The following TCF3 variants were observed in gnomAD, a reference collection of about 807,000 sequenced individuals.
TCF3 encodes transcription factor E2-alpha.
In TCF3, 54 loss-of-function variants were observed where a neutral mutation model predicts 72.3. That is an observed-to-expected ratio of 0.75 (90% CI 0.60 to 0.94). TCF3 has a LOEUF of 0.94. Ranked by LOEUF, TCF3 falls within the 40% of genes least tolerant of loss-of-function variation. TCF3 has a pLI of 0.00. For synonymous variants in TCF3, 525 were observed against 412.6 expected, an observed-to-expected ratio of 1.27 and a Z score of -3.30; for missense variants, 1,078 against 934.4, an observed-to-expected ratio of 1.15 and a Z score of -2.00.
At chr19:1,633,813 C>A (rs1203602814) in intron 3 of TCF3, among the ~76,000 whole-genome samples, 1 of 152,188 alleles carries the variant, frequency 6.6e-6, no homozygotes, top group Non-Finnish European at 1.5e-5. Flanking sequence ...GCACGTGGGC[C>A]CTGGTGAACA....
chr19:1,639,201 G>A (rs1205660545), intron 3 of TCF3, among the ~76,000 whole-genome samples: 1 of 152,166 alleles, frequency 6.6e-6, no homozygotes, highest in Non-Finnish European at 1.5e-5. Flanking sequence ...CTGCTACCAT[G>A]CCTGGCTAAT....
chr19:1,632,692 C>T (rs1042265435), intron 3 of TCF3, among the ~76,000 whole-genome samples: 11 of 152,308 alleles, frequency 7.2e-5, no homozygotes, highest in Non-Finnish European at 1.5e-4. Flanking sequence ...TTCATACCCT[C>T]CTTGGGCAAA....
intron 18 of TCF3, 47 bp from the exon 19 acceptor site, chr19:1,611,896 G>C: frequency 7.8e-7 from 1 of 1,280,306 alleles, no homozygotes; most frequent in South Asian, 1.4e-5. Context: ...CCAGGGAGGA[G>C]AAAGATGTGA....
At chr19:1,644,372 G>A (rs953758949) in intron 3 of TCF3, among the ~76,000 whole-genome samples, 7 of 151,016 alleles carry the variant, frequency 4.6e-5, no homozygotes, top group African/African-American at 1.2e-4. Context: ...TCAGGCGGGC[G>A]TTAACTGCAT....
At chr19:1,628,866 G>A (rs1388927626) in intron 5 of TCF3, among the ~76,000 whole-genome samples, 3 of 2,262 alleles carry the variant, frequency 1.3e-3, no homozygotes, top group Non-Finnish European at 1.5e-3. Context: ...GGACAGCAGA[G>A]CTCACGGGGT....
At chr19:1,636,729 C>G (rs2064462112) in intron 3 of TCF3, among the ~76,000 whole-genome samples, 2 of 152,162 alleles carry the variant, frequency 1.3e-5, no homozygotes, top group South Asian at 4.1e-4. Context: ...GTAGCACATG[C>G]TCCCAGCTTC....
At position 1,615,760 on chromosome 19, in the gene TCF3, G is replaced by A. The variant is rs535090518; in HGVS notation, c.1512C>T (p.Asp504=). 2.1e-4 allele frequency: 330 copies of A among 1,605,424 alleles called. 1 individual carries two copies. In the South Asian group the frequency reaches 2.5e-3, roughly 12 times the overall value. Residue 504 remains aspartate (D), a synonymous_variant, in exon 17 of 19, where the codon GAC becomes GAT. Coordinates refer to ENST00000262965, the MANE Select transcript of TCF3 (RefSeq NM_003200.5). The surrounding 1 kb of genome is among the most constrained non-coding windows in gnomAD (Gnocchi z 7.3). The part of the protein sequence containing the change: ...ASEIKREEKE[D]EENTSAADHS... Reference sequence around the variant, plus strand: ...GGTCAGCCGCTGACGTGTTCTCCTCGTCCTCCTTCTCCTCCCGCTTGATCT... The same window carrying A: ...GGTCAGCCGCTGACGTGTTCTCCTCATCCTCCTTCTCCTCCCGCTTGATCT...
rs1390626231 is a variant in TCF3 at position 1,614,042 on chromosome 19, G to A, written c.1822+1243C>T. Among the ~76,000 whole-genome samples the A allele has an allele frequency of 3.3e-5, 5 of 152,258 alleles. No individual in the cohort carries two copies. The highest frequency in any genetic ancestry group is 7.3e-5 in the Non-Finnish European group (5 of 68,044). On this transcript the variant is annotated intron_variant, in intron 18 of 18. Transcript: ENST00000262965. This position sits in a 1 kb window ranked among gnomAD's most constrained non-coding sequence, Gnocchi z 5.6. Reference sequence around the variant, plus strand: ...TGCATGGCCCTGCATGGGTGACCTCGCTCTGTTCCCTGGCTTCCTACTTGG... The same window carrying A: ...TGCATGGCCCTGCATGGGTGACCTCACTCTGTTCCCTGGCTTCCTACTTGG...
chr19:1,615,674 G>A lies in TCF3; in HGVS notation c.1586+12C>T, dbSNP rs370396673. The A allele has an allele frequency of 3.1e-6, 5 of 1,613,056 alleles. No homozygotes were observed. The highest frequency in any genetic ancestry group is 4.2e-6 in the Non-Finnish European group (5 of 1,179,590). Reference sequence around the variant, plus strand: ...GGGTGAGGGTGGGGAGTGCCGAGGGGTGGGTTGGCACCTGGTCCGGGCCCG... The same window carrying A: ...GGGTGAGGGTGGGGAGTGCCGAGGGATGGGTTGGCACCTGGTCCGGGCCCG... On this transcript the variant is annotated intron_variant, in intron 17 of 18. Transcript: ENST00000262965. The surrounding 1 kb of genome is among the most constrained non-coding windows in gnomAD (Gnocchi z 7.3).
chr19:1,652,603 G>T lies in TCF3; in HGVS notation c.-343C>A, dbSNP rs1159842828. 1 of 148,120 alleles carries T rather than the reference G, an allele frequency of 6.8e-6. No individual in the cohort carries two copies. The highest frequency in any genetic ancestry group is 2.4e-5 in the African/African-American group (1 of 40,824). 9.2% of individuals were successfully genotyped at this position (148,120 alleles called of 1,614,324 possible). A position where few individuals can be genotyped will look rare whatever the true frequency, so the allele number is the denominator to read the frequency against. On this transcript the variant is annotated 5_prime_UTR_variant, in exon 1 of 19. Coordinates refer to ENST00000262965, the MANE Select transcript of TCF3 (RefSeq NM_003200.5). The stretch of plus-strand genomic sequence containing the variant: ...GCCGCTGCCTCATCTTCCTGCGGCG[G>T]GAGACATGTTCCGCCCCCCGCCCGC...
chr19:1,621,219 G>C, intron 11 of TCF3, 28 bp from the exon 12 acceptor site: 1 of 1,530,764 alleles, frequency 6.5e-7, no homozygotes, highest in Non-Finnish European at 8.7e-7. Flanking sequence ...TGAGGCCCAC[G>C]CAGCCCGGCC....
chr19:1,637,716 T>G (rs970227505), intron 3 of TCF3, among the ~76,000 whole-genome samples: 1 of 152,206 alleles, frequency 6.6e-6, no homozygotes. Flanking sequence ...AAGACCATGC[T>G]GGCCAACAGG....
chr19:1,613,418 C>T (rs1217189157), intron 18 of TCF3, among the ~76,000 whole-genome samples: 4 of 152,146 alleles, frequency 2.6e-5, no homozygotes, highest in African/African-American at 9.7e-5. Flanking sequence ...AGGGTAACTG[C>T]TTCTCCCTTG....
At chr19:1,638,371 T>G (rs1013413679) in intron 3 of TCF3, among the ~76,000 whole-genome samples, 2 of 152,220 alleles carry the variant, frequency 1.3e-5, no homozygotes, top group African/African-American at 4.8e-5. Flanking sequence ...TTTTTGTTTT[T>G]TTTGTTTGTT....
intron 6 of TCF3, 46 bp from the exon 7 acceptor site, chr19:1,625,754 C>A (rs760225061): frequency 3.4e-6 from 5 of 1,454,520 alleles, no homozygotes; most frequent in Non-Finnish European, 4.5e-6. Context: ...GGCATCCAGA[C>A]CCCAGGCTGT....
chr19:1,629,490 C>G (rs1004558555), intron 5 of TCF3, among the ~76,000 whole-genome samples: 3 of 151,992 alleles, frequency 2.0e-5, no homozygotes, highest in African/African-American at 7.3e-5. Flanking sequence ...GGGCGAGCCC[C>G]CAGCATGGAA....
chr19:1,615,817 TAGCCCTGCAACAGGCCTAGGGTCAG>T lies in TCF3; in HGVS notation c.1451-21_1454del. 1 of 1,557,868 alleles carries T rather than the reference TAGCCCTGCAACAGGCCTAGGGTCAG, an allele frequency of 6.4e-7. No individual in the cohort carries two copies. The highest frequency in any genetic ancestry group is 8.7e-7 in the Non-Finnish European group (1 of 1,149,042). On this transcript the variant is annotated splice_acceptor_variant and splice_polypyrimidine_tract_variant and coding_sequence_variant and intron_variant, in exon 17 of 19. Coordinates refer to ENST00000262965, the MANE Select transcript of TCF3 (RefSeq NM_003200.5). LOFTEE classifies it high-confidence loss of function. This position sits in a 1 kb window ranked among gnomAD's most constrained non-coding sequence, Gnocchi z 7.3. Reference sequence around the variant, plus strand: ...CGGCCGCCGTGGCACCTGCTCGCCCTAGCCCTGCAACAGGCCTAGGGTCAGGGGCCTGCGTCGGCCTCCAGGGCCA... The same window carrying T: ...CGGCCGCCGTGGCACCTGCTCGCCCTGGGCCTGCGTCGGCCTCCAGGGCCA...
At chr19:1,650,516 G>A in intron 1 of TCF3, 1 of 425,434 alleles carries the variant, frequency 2.4e-6, no homozygotes, top group Non-Finnish European at 4.2e-6. Flanking sequence ...ACCACAGGGA[G>A]TCTGAAAAAT....
At chr19:1,637,262 C>T (rs10426748) in intron 3 of TCF3, among the ~76,000 whole-genome samples, 7 of 138,096 alleles carry the variant, frequency 5.1e-5, no homozygotes, top group South Asian at 5.0e-4. Context: ...GAACCGAGGA[C>T]GCCTGGCAAC....
Sources: allele counts gnomAD v4.1 joint callset (sites outside exome capture counted in the v4.1 genomes callset), GRCh38; gene constraint gnomAD v4.1.1; non-coding constraint Gnocchi (gnomAD v3.1); transcripts MANE v1.5; gene names NCBI Gene and HGNC (gene_info 2026-07-23, HGNC 2026-07-21).